The following KRTCAP2 variants were observed in gnomAD, a reference collection of about 807,000 sequenced individuals.
KRTCAP2 encodes the protein keratinocyte associated protein 2.
KRTCAP2 carries 10 observed loss-of-function variants against 16.5 expected under a neutral mutation model. The observed-to-expected ratio is 0.60, with a 90% CI of 0.37 to 1.02. The LOEUF (loss-of-function observed/expected upper bound fraction) is 1.02, where lower values mean the gene tolerates loss of function less well. Among genes scored for constraint, KRTCAP2 ranks in the 50% least tolerant of loss-of-function variants. The pLI is 0.01. For synonymous variants in KRTCAP2, 68 were observed against 69.8 expected, an observed-to-expected ratio of 0.97 and a Z score of 0.13; for missense variants, 152 against 159.6, an observed-to-expected ratio of 0.95 and a Z score of 0.26.
intron 4 of KRTCAP2, 82 bp from the exon 5 acceptor site, chr1:155,169,642 G>A: frequency 2.6e-6 from 4 of 1,515,928 alleles, no homozygotes; most frequent in Non-Finnish European, 3.6e-6. Flanking sequence ...CTAGCATCAA[G>A]GAAAGAATCC....
intron 3 of KRTCAP2, chr1:155,170,415 A>T (rs747792515): frequency 3.3e-5 from 5 of 151,946 alleles, no homozygotes; most frequent in African/African-American, 9.7e-5. Flanking sequence ...CATATCTCAC[A>T]TAACTTCCCT....
In KRTCAP2 at chr1:155,171,535, C is replaced by A. The variant is rs142697167; in HGVS notation, c.223+1030G>T. On this transcript the variant is annotated intron_variant, in intron 3 of 4. Transcript: ENST00000295682. ...CTCTGAAGCCTGCAAAAGGGCTATG[C>A]GGAGAAAGCAAGTCCTAGAGGGGGG... The A allele has an allele frequency of 5.7e-5, 56 of 984,982 alleles. 1 individual carries two copies. The African/African-American group carries it at 9.4e-4, about 17-fold the overall frequency. The allele number at this position is 984,982 out of a possible 1,614,324, so 61.0% of individuals were successfully genotyped here.
intron 3 of KRTCAP2, chr1:155,170,353 AAAAAAAAAG>A (rs948584731): frequency 6.6e-6 from 1 of 152,562 alleles, no homozygotes; most frequent in Non-Finnish European, 1.5e-5. Flanking sequence ...AAAAAAAAAA[AAAAAAAAAG>A]AACATGGATG....
rs906547652 is a variant in KRTCAP2 at position 155,169,988 on chromosome 1, C to T, written c.224-131G>A. ...CTGCTTAGAAGGGTAAGCGTGACTA[C>T]AGCAGGAGGATTCTGATTACCTTAA... is the stretch of plus-strand genomic sequence containing the variant. On this transcript the variant is annotated intron_variant, in intron 3 of 4. Coordinates refer to ENST00000295682, the MANE Select transcript of KRTCAP2 (RefSeq NM_173852.4). The T allele has an allele frequency of 6.1e-5, 38 of 627,758 alleles. No individual in the cohort carries two copies. In the Middle Eastern group the frequency reaches 1.9e-3, roughly 31 times the overall value. The allele number at this position is 627,758 out of a possible 1,614,324, so 38.9% of individuals were successfully genotyped here.
intron 3 of KRTCAP2, chr1:155,171,869 A>T: frequency 5.2e-6 from 5 of 959,192 alleles, no homozygotes; most frequent in Non-Finnish European, 5.0e-6. Context: ...AAAAAAAAAA[A>T]GAGAAAAGAT....
chr1:155,172,445 G>T, intron 3 of KRTCAP2, 120 bp downstream of exon 3: 1 of 1,561,526 alleles, frequency 6.4e-7, no homozygotes, highest in Non-Finnish European at 8.7e-7. Context: ...TCTTCAGACA[G>T]CTTCAGTAAA....
chr1:155,169,827 G>A lies in KRTCAP2; in HGVS notation c.254C>T (p.Ala85Val). 2 of 1,596,132 alleles carry A rather than the reference G, an allele frequency of 1.3e-6. No individual in the cohort carries two copies. The highest frequency in any genetic ancestry group is 8.5e-7 in the Non-Finnish European group (1 of 1,170,710). Reference sequence around the variant, plus strand: ...ACAGACTCGGTGGATGAGGCCAGATGCAAAGAGAGCCAACAGGAGGCACAG... The same window carrying A: ...ACAGACTCGGTGGATGAGGCCAGATACAAAGAGAGCCAACAGGAGGCACAG... ...ILLCLLLALF[A>V]SGLIHRVCVT... The change falls in exon 4 of 5, where the codon GCA (alanine) becomes GTA (valine). Residue 85 changes from alanine to valine, a missense_variant. Physicochemically the swap from Ala to Val is moderately conservative, Grantham distance 64. Transcript: ENST00000295682.
chr1:155,173,268 G>C lies in KRTCAP2; in HGVS notation c.-44C>G, dbSNP rs538757076. On this transcript the variant is annotated 5_prime_UTR_variant, in exon 1 of 5. Transcript: ENST00000295682. ...CCAACCGGCGCCTCTGGCCAAGAAA[G>C]GCGAGCTGAACCGGGTGCGGTTAGC... 4 of 1,614,062 alleles carry C rather than the reference G, an allele frequency of 2.5e-6. No homozygotes were observed. Among genetic ancestry groups the C allele is most frequent in the African/African-American group, 1.3e-5 (1 of 74,942 alleles).
intron 3 of KRTCAP2, 81 bp from the exon 4 acceptor site, chr1:155,169,938 C>T (rs780618881): frequency 9.6e-6 from 9 of 939,040 alleles, no homozygotes; most frequent in South Asian, 5.6e-5. Flanking sequence ...AGGAGAAATC[C>T]GGGGCTCTCT....
Position 155,172,563 on chromosome 1 carries a change from A to C in KRTCAP2, c.223+2T>G. On this transcript the variant is annotated splice_donor_variant, in intron 3 of 4. Transcript: ENST00000295682. LOFTEE classifies it high-confidence loss of function. ...AATACTCAAGCTCCAATATTCACTT[A>C]CTCTCAGGGAAGATCTTTGCTTGGA... The C allele has an allele frequency of 6.2e-7, 1 of 1,614,150 alleles. No individual in the cohort carries two copies. Among genetic ancestry groups the C allele is most frequent in the South Asian group, 1.1e-5 (1 of 91,088 alleles).
intron 3 of KRTCAP2, chr1:155,171,416 C>T (rs1174665926): frequency 1.2e-6 from 1 of 833,696 alleles, no homozygotes; most frequent in Non-Finnish European, 1.4e-6. Flanking sequence ...GAGACTCCAT[C>T]TCAAAAAAAA....
At chr1:155,171,847 CAAAAAAAAAA>C in intron 3 of KRTCAP2, 3 of 653,210 alleles carry the variant, frequency 4.6e-6, no homozygotes, top group Middle Eastern at 7.5e-4. Flanking sequence ...AGCCTTGTCT[CAAAAAAAAAA>C]AAAAAAAAAA....
intron 3 of KRTCAP2, chr1:155,171,002 GTCTC>G (rs1286828699): frequency 2.0e-5 from 3 of 152,122 alleles, no homozygotes; most frequent in Non-Finnish European, 2.9e-5. Context: ...GAGAGACAGG[GTCTC>G]TCTATGTTGC....
At chr1:155,172,998 G>T in intron 1 of KRTCAP2, 106 bp from the exon 2 acceptor site, 4 of 1,232,484 alleles carry the variant, frequency 3.2e-6, no homozygotes, top group Non-Finnish European at 4.6e-6. Context: ...CCCCCTCCAA[G>T]AACTCCCGGG....
chr1:155,169,432 A>G lies in KRTCAP2; in HGVS notation c.*8T>C. 3 of 1,613,736 alleles carry G rather than the reference A, an allele frequency of 1.9e-6. No individual in the cohort carries two copies. The highest frequency in any genetic ancestry group is 2.5e-6 in the Non-Finnish European group (3 of 1,179,818). On this transcript the variant is annotated 3_prime_UTR_variant, in exon 5 of 5. Coordinates refer to ENST00000295682, the MANE Select transcript of KRTCAP2 (RefSeq NM_173852.4). ...CTACAAAGAATCAACTTTATTGAACATTCAGGGTCAGTTTCTCTTCTTGCT... is the reference window on the plus strand; with the variant it reads ...CTACAAAGAATCAACTTTATTGAACGTTCAGGGTCAGTTTCTCTTCTTGCT...
At chr1:155,172,949 T>C in intron 1 of KRTCAP2, 57 bp from the exon 2 acceptor site, 2 of 1,582,480 alleles carry the variant, frequency 1.3e-6, no homozygotes, top group Non-Finnish European at 1.7e-6. Context: ...TCCGGCAAGC[T>C]ACGGGCAGAT....
At chr1:155,171,667 G>T in intron 3 of KRTCAP2, 1 of 763,788 alleles carries the variant, frequency 1.3e-6, no homozygotes, top group Non-Finnish European at 1.6e-6. Context: ...AGACCAGCCT[G>T]GGCAATGTGG....
chr1:155,172,802 G>A lies in KRTCAP2; in HGVS notation c.95C>T (p.Ser32Phe). ...GMQMYSRQLASTEWLTIQGGL... is the reference protein window; with the variant it reads ...GMQMYSRQLAFTEWLTIQGGL... ...GCCCTGGATGGTGAGCCACTCGGTG[G>A]AGGCCAGCTGACGGCTGTACATCTG... Residue 32 changes from serine (S) to phenylalanine (F), a missense_variant, in exon 2 of 5, where the codon TCC becomes TTC. Physicochemically the swap from Ser to Phe is radical, Grantham distance 155 (BLOSUM62 -2). Transcript: ENST00000295682. The A allele has an allele frequency of 6.2e-7, 1 of 1,614,242 alleles. No individual in the cohort carries two copies. The highest frequency in any genetic ancestry group is 8.5e-7 in the Non-Finnish European group (1 of 1,180,042).
intron 3 of KRTCAP2, chr1:155,172,354 A>G: frequency 7.1e-7 from 1 of 1,414,068 alleles, no homozygotes; most frequent in South Asian, 1.5e-5. Context: ...AAGGTACCAA[A>G]GTTTCTTGCT....
Sources: gnomAD v4.1 joint callset for allele counts on GRCh38, gnomAD v4.1.1 for gene constraint, MANE v1.5 for transcripts, NCBI Gene and HGNC (gene_info 2026-07-23, HGNC 2026-07-21) for gene names.